The following RBFOX1 variants were observed in gnomAD, a reference collection of about 807,000 sequenced individuals.
RBFOX1 encodes RNA binding protein fox-1 homolog 1.
RBFOX1 carries 8 observed loss-of-function variants against 57.7 expected under a neutral mutation model. The observed-to-expected ratio is 0.14, with a 90% CI of 0.08 to 0.25. The LOEUF (loss-of-function observed/expected upper bound fraction) is 0.25. RBFOX1 is among the 10% of genes least tolerant of loss of function. The probability of loss-of-function intolerance (pLI) is 1.00; values close to 1 mark genes in which losing one functional copy is unlikely to be tolerated. For synonymous variants in RBFOX1, 326 were observed against 222.4 expected (o/e 1.47, Z -4.15); for missense variants, 611 against 548.5 (o/e 1.11, Z -1.14).
At chr16:6,815,661 C>A (rs973820074) in intron 3 of RBFOX1, among the ~76,000 whole-genome samples, 2 of 152,120 alleles carry the variant, frequency 1.3e-5, no homozygotes, top group African/African-American at 2.4e-5. Context: ...TTACGCCTTA[C>A]CAGGGCCAGG....
intron 2 of RBFOX1, among the ~76,000 whole-genome samples, chr16:6,340,497 A>G (rs1428732088): frequency 6.6e-6 from 1 of 152,186 alleles, no homozygotes; most frequent in Non-Finnish European, 1.5e-5. Flanking sequence ...GCCTGTTTTT[A>G]TGATTATTTC....
intron 4 of RBFOX1, among the ~76,000 whole-genome samples, chr16:5,875,547 G>C (rs548527892): frequency 1.6e-4 from 25 of 152,266 alleles, no homozygotes; most frequent in African/African-American, 6.0e-4. Context: ...CATATTATTT[G>C]GTGCGTAAGT....
chr16:5,510,067 A>C (rs2043527947), intron 2 of RBFOX1, among the ~76,000 whole-genome samples: 1 of 152,180 alleles, frequency 6.6e-6, no homozygotes, highest in Non-Finnish European at 1.5e-5. Context: ...CCTTTGGAGA[A>C]TGGGCCCACA....
At chr16:5,611,372 C>T (rs1370225232) in intron 3 of RBFOX1, 3 of 152,102 alleles carry the variant, frequency 2.0e-5, no homozygotes, top group African/African-American at 7.2e-5. Context: ...TTTGACAGCT[C>T]ACTGCAACCC....
intron 3 of RBFOX1, among the ~76,000 whole-genome samples, chr16:6,796,014 C>A (rs934098364): frequency 6.6e-6 from 1 of 151,940 alleles, no homozygotes; most frequent in Non-Finnish European, 1.5e-5. Context: ...CTGTATTAGT[C>A]CATTTTCATG....
chr16:6,653,970 CGGATGGATGGAT>C (rs1158998142), intron 2 of RBFOX1, among the ~76,000 whole-genome samples: 1,960 of 75,372 alleles, frequency 0.026, 24 homozygotes, highest in Non-Finnish European at 0.044. Flanking sequence ...GATGGTTGGA[CGGATGGATGGAT>C]GGATGGATGG....
At chr16:7,372,285 G>A (rs1379485246) in intron 4 of RBFOX1, among the ~76,000 whole-genome samples, 1 of 152,176 alleles carries the variant, frequency 6.6e-6, no homozygotes, top group African/African-American at 2.4e-5. Flanking sequence ...GATCCCATGA[G>A]AGCGGGATCA....
At chr16:6,879,575 A>G (rs2062508345) in intron 3 of RBFOX1, among the ~76,000 whole-genome samples, 2 of 152,240 alleles carry the variant, frequency 1.3e-5, no homozygotes, top group Non-Finnish European at 2.9e-5. Context: ...ATAAGTTTCC[A>G]TTATCATTTT....
At chr16:6,977,902 C>G (rs1249337587) in intron 3 of RBFOX1, among the ~76,000 whole-genome samples, 4 of 135,898 alleles carry the variant, frequency 2.9e-5, no homozygotes, top group Non-Finnish European at 6.0e-5. Context: ...CTAGGGAGAT[C>G]CCAAGAGGAA....
rs8046804 is a variant in RBFOX1 at position 6,469,808 on chromosome 16, T to C, written c.-64+152751T>C. On this transcript the variant is annotated intron_variant, in intron 2 of 15. Transcript: ENST00000550418. Reference sequence around the variant, plus strand: ...CTGTATCCAAGAGTACCATCTTATCTCACGGGCTCACTAAGTGGGAGTTAG... The same window carrying C: ...CTGTATCCAAGAGTACCATCTTATCCCACGGGCTCACTAAGTGGGAGTTAG... Among the ~76,000 whole-genome samples the C allele has an allele frequency of 1.0e-3, 156 of 152,314 alleles. 1 individual carries two copies. The highest frequency in any genetic ancestry group is 3.5e-3 in the African/African-American group (144 of 41,570).
intron 1 of RBFOX1, among the ~76,000 whole-genome samples, chr16:5,438,823 C>T (rs517526): frequency 6.6e-6 from 1 of 152,000 alleles, no homozygotes; most frequent in Non-Finnish European, 1.5e-5. Flanking sequence ...CCATCTTGCA[C>T]TCTTTAGGGT....
At chr16:5,961,794 C>G (rs2059755197) in intron 4 of RBFOX1, among the ~76,000 whole-genome samples, 1 of 152,166 alleles carries the variant, frequency 6.6e-6, no homozygotes. Flanking sequence ...TTCCAAAGCA[C>G]TGGGGTTGCA....
chr16:7,007,340 T>C (rs1308069849), intron 3 of RBFOX1, among the ~76,000 whole-genome samples: 1 of 152,218 alleles, frequency 6.6e-6, no homozygotes, highest in Non-Finnish European at 1.5e-5. Flanking sequence ...ATTGACTTCT[T>C]CTGCCATATG....
At chr16:7,466,816 T>G (rs184859249) in intron 4 of RBFOX1, among the ~76,000 whole-genome samples, 1 of 152,126 alleles carries the variant, frequency 6.6e-6, no homozygotes, top group South Asian at 2.1e-4. Context: ...CAATGCTAGG[T>G]TGGGGACACC....
chr16:5,424,823 C>G (rs959931396), intron 1 of RBFOX1, among the ~76,000 whole-genome samples: 2 of 151,324 alleles, frequency 1.3e-5, no homozygotes, highest in African/African-American at 4.9e-5. Flanking sequence ...CTTCTCCTCT[C>G]CTCTCCTCTC....
chr16:6,921,763 A>G (rs113825276), intron 3 of RBFOX1, among the ~76,000 whole-genome samples: 5,004 of 150,440 alleles, frequency 0.033, 115 homozygotes, highest in Middle Eastern at 0.075. Context: ...GTGTGTATAT[A>G]TATGAAGATG....
At chr16:7,679,407 TAAAGAA>T (rs1465961267) in intron 14 of RBFOX1, among the ~76,000 whole-genome samples, 2 of 152,264 alleles carry the variant, frequency 1.3e-5, no homozygotes, top group East Asian at 1.9e-4. Context: ...ACAGGCAAGA[TAAAGAA>T]AAACTTAACA....
At chr16:6,009,026 C>G (rs2094944007) in intron 4 of RBFOX1, among the ~76,000 whole-genome samples, 1 of 151,780 alleles carries the variant, frequency 6.6e-6, no homozygotes, top group African/African-American at 2.4e-5. Flanking sequence ...TGTGAAATGC[C>G]TTTTCGACTA....
At chr16:6,112,205 C>A (rs1350890568) in intron 1 of RBFOX1, among the ~76,000 whole-genome samples, 1 of 152,136 alleles carries the variant, frequency 6.6e-6, no homozygotes, top group Non-Finnish European at 1.5e-5. Context: ...ACTTTAAGAA[C>A]TTCTGCTATA....
Sources: gnomAD v4.1 joint callset for allele counts (sites outside exome capture counted in the v4.1 genomes callset) on GRCh38, gnomAD v4.1.1 for gene constraint, MANE v1.5 for transcripts, NCBI Gene and HGNC (gene_info 2026-07-23, HGNC 2026-07-21) for gene names.